Variants in LIN52 observed in about 807,000 individuals in gnomAD.
The protein encoded by LIN52 is protein lin-52 homolog.
In LIN52, 4 loss-of-function variants were observed where a neutral mutation model predicts 18.5. The ratio of observed to expected loss-of-function variants is 0.22; its 90% confidence interval spans 0.11 to 0.49. The LOEUF (loss-of-function observed/expected upper bound fraction) is 0.49. Ranked by LOEUF, LIN52 falls within the 20% of genes least tolerant of loss-of-function variation. LIN52 has a pLI of 0.97. For synonymous variants in LIN52, 34 were observed against 45.5 expected (o/e 0.75, Z 1.02); for missense variants, 102 against 139.5 (o/e 0.73, Z 1.35).
intron 5 of LIN52, among the ~76,000 whole-genome samples, chr14:74,190,062 A>G (rs1274698086): frequency 6.6e-6 from 1 of 152,180 alleles, no homozygotes; most frequent in African/African-American, 2.4e-5. Context: ...CTTGAGGCCA[A>G]GAGTTCAAGA....
intron 5 of LIN52, among the ~76,000 whole-genome samples, chr14:74,168,134 A>T (rs898575121): frequency 6.6e-6 from 1 of 152,240 alleles, no homozygotes; most frequent in African/African-American, 2.4e-5. Context: ...GCAGGTTATT[A>T]GGTGGGAGTT....
chr14:74,171,953 T>C (rs1012256506), intron 5 of LIN52, among the ~76,000 whole-genome samples: 4 of 152,150 alleles, frequency 2.6e-5, no homozygotes, highest in African/African-American at 9.7e-5. Context: ...TTGGCCAGGC[T>C]GATCTCTAAC....
chr14:74,130,856 G>A (rs900087249), intron 5 of LIN52, among the ~76,000 whole-genome samples: 3 of 152,020 alleles, frequency 2.0e-5, no homozygotes, highest in South Asian at 2.1e-4. Flanking sequence ...AAAGTGCTAG[G>A]ATTACAGGCA....
At chr14:74,189,563 G>T (rs556766726) in intron 5 of LIN52, among the ~76,000 whole-genome samples, 17 of 152,298 alleles carry the variant, frequency 1.1e-4, no homozygotes, top group African/African-American at 3.8e-4. Flanking sequence ...TAGGAAGAAG[G>T]ATGATAAGAA....
At chr14:74,088,704 T>C (rs1181331043) in intron 1 of LIN52, among the ~76,000 whole-genome samples, 2 of 152,230 alleles carry the variant, frequency 1.3e-5, no homozygotes, top group Admixed American at 1.3e-4. Flanking sequence ...GTACATTTTG[T>C]ACGTATGTAT....
chr14:74,116,156 A>T (rs983422055), intron 5 of LIN52, among the ~76,000 whole-genome samples: 1 of 152,018 alleles, frequency 6.6e-6, no homozygotes, highest in Non-Finnish European at 1.5e-5. Flanking sequence ...TACAAAAATT[A>T]ACCGGGTGTG....
At chr14:74,121,180 TA>T (rs2060997715) in intron 5 of LIN52, among the ~76,000 whole-genome samples, 1 of 152,264 alleles carries the variant, frequency 6.6e-6, no homozygotes, top group Admixed American at 6.5e-5. Flanking sequence ...AGCATTGACC[TA>T]AATCATTATA....
At chr14:74,154,627 C>T (rs976861043) in intron 5 of LIN52, among the ~76,000 whole-genome samples, 9 of 152,144 alleles carry the variant, frequency 5.9e-5, no homozygotes, top group African/African-American at 2.2e-4. Flanking sequence ...TTTAATGTTA[C>T]TCCTAAGAGC....
chr14:74,112,877 T>C (rs1256922395), intron 5 of LIN52, among the ~76,000 whole-genome samples: 1 of 152,170 alleles, frequency 6.6e-6, no homozygotes, highest in Admixed American at 6.5e-5. Flanking sequence ...AGAAAAGCTC[T>C]ATGAGAGTAC....
At chr14:74,183,158 C>G (rs946716248) in intron 5 of LIN52, among the ~76,000 whole-genome samples, 1 of 150,658 alleles carries the variant, frequency 6.6e-6, no homozygotes, top group African/African-American at 2.4e-5. Context: ...AGTGCAGTGA[C>G]GCGATCTCAG....
At chr14:74,153,618 C>T (rs914183490) in intron 5 of LIN52, among the ~76,000 whole-genome samples, 1 of 151,094 alleles carries the variant, frequency 6.6e-6, no homozygotes, top group African/African-American at 2.4e-5. Context: ...AATCTTGGCT[C>T]ACTGCAACCT....
chr14:74,098,019 T>C (rs1211023771), intron 4 of LIN52, among the ~76,000 whole-genome samples, 159 bp downstream of exon 4: 1 of 152,208 alleles, frequency 6.6e-6, no homozygotes, highest in Non-Finnish European at 1.5e-5. Context: ...TGCCCTTCTC[T>C]ACCTTTTCCA....
chr14:74,196,370 G>C (rs2078912262), intron 5 of LIN52, among the ~76,000 whole-genome samples: 1 of 152,196 alleles, frequency 6.6e-6, no homozygotes. Context: ...ACAGTAAGGA[G>C]TTGGTGAGTC....
intron 5 of LIN52, among the ~76,000 whole-genome samples, chr14:74,117,325 T>C (rs1395407608): frequency 6.6e-6 from 1 of 152,200 alleles, no homozygotes; most frequent in African/African-American, 2.4e-5. Context: ...GATGTTACTT[T>C]ATGTTTTCGG....
intron 5 of LIN52, among the ~76,000 whole-genome samples, chr14:74,128,590 T>C (rs2061041175): frequency 6.6e-6 from 1 of 152,208 alleles, no homozygotes; most frequent in African/African-American, 2.4e-5. Flanking sequence ...TACCAAACTA[T>C]ACACTTCAAA....
rs568497508 is a variant in LIN52, at chr14:74,159,798, G to A, written c.284-39124G>A. Among the ~76,000 whole-genome samples, 312 of 152,042 alleles carry A rather than the reference G, an allele frequency of 2.1e-3. 1 individual carries two copies. Among genetic ancestry groups the A allele is most frequent in the Non-Finnish European group, 3.7e-3 (254 of 67,948 alleles). ...TGTTGGCCAGGCTGGTCTCGAACTCGTGACCTCAAGTGATCCGCCTGCCTT... is the reference window on the plus strand; with the variant it reads ...TGTTGGCCAGGCTGGTCTCGAACTCATGACCTCAAGTGATCCGCCTGCCTT... On this transcript the variant is annotated intron_variant, in intron 5 of 5. Coordinates refer to ENST00000555028, the MANE Select transcript of LIN52 (RefSeq NM_001024674.3).
intron 5 of LIN52, among the ~76,000 whole-genome samples, chr14:74,185,305 A>ATTTTTT (rs1595190900): frequency 1.3e-5 from 1 of 75,262 alleles, no homozygotes; most frequent in Non-Finnish European, 2.7e-5. Flanking sequence ...TTTTATAATG[A>ATTTTTT]TTTCTTTTTT....
At chr14:74,169,808 A>G (rs1183810665) in intron 5 of LIN52, among the ~76,000 whole-genome samples, 10 of 152,252 alleles carry the variant, frequency 6.6e-5, no homozygotes, top group Admixed American at 6.5e-5. Flanking sequence ...AAGATAAAAC[A>G]TCTGTGAGAT....
chr14:74,168,008 G>T (rs1212284550), intron 5 of LIN52, among the ~76,000 whole-genome samples: 1 of 152,192 alleles, frequency 6.6e-6, no homozygotes, highest in Non-Finnish European at 1.5e-5. Context: ...CACACTCTTG[G>T]AAGAACTTTC....
Sources: gnomAD v4.1 joint callset for allele counts (sites outside exome capture counted in the v4.1 genomes callset) on GRCh38, gnomAD v4.1.1 for gene constraint, MANE v1.5 for transcripts, NCBI Gene and HGNC (gene_info 2026-07-23, HGNC 2026-07-21) for gene names.